The following ZC3H12B variants were observed in gnomAD, a reference collection of about 807,000 sequenced individuals.
ZC3H12B encodes the protein probable ribonuclease ZC3H12B.
A neutral mutation model predicts 43.9 loss-of-function variants in ZC3H12B; 7 were observed. The observed-to-expected ratio is 0.16, with a 90% CI of 0.09 to 0.30. The LOEUF (loss-of-function observed/expected upper bound fraction) is 0.30, where lower values mean the gene tolerates loss of function less well. Among genes scored for constraint, ZC3H12B ranks in the 10% least tolerant of loss-of-function variants. The pLI, the probability that ZC3H12B is intolerant of heterozygous loss-of-function variation, is 1.00. For synonymous variants in ZC3H12B, 222 were observed against 241.7 expected, an observed-to-expected ratio of 0.92 and a Z score of 0.76; for missense variants, 475 against 670.2, an observed-to-expected ratio of 0.71 and a Z score of 3.22.
At chrX:65,283,353 C>T in the ZC3H12B span, among the ~76,000 whole-genome samples, 477 of 111,440 alleles carry the variant, frequency 4.3e-3, 1 homozygote, top group Non-Finnish European at 7.0e-3. Flanking sequence ...TATGACAAAC[C>T]CACAGCCATT....
chrX:65,261,157 G>C, the ZC3H12B span, among the ~76,000 whole-genome samples: 2 of 111,555 alleles, frequency 1.8e-5, no homozygotes, highest in African/African-American at 6.5e-5. Context: ...GAGCATCAGA[G>C]GTGTTGTAGA....
At chrX:65,468,651 T>C (rs1459646413) in intron 3 of ZC3H12B, among the ~76,000 whole-genome samples, 1 of 60,191 alleles carries the variant, frequency 1.7e-5, no homozygotes, top group Non-Finnish European at 2.4e-5. Context: ...GCCCGGCTAA[T>C]TTTTTTTTTT....
chrX:65,098,237 C>T, the ZC3H12B span, among the ~76,000 whole-genome samples: 1 of 109,633 alleles, frequency 9.1e-6, no homozygotes, highest in Non-Finnish European at 1.9e-5. Context: ...CACACACACA[C>T]ACACACACAC....
chrX:65,108,466 G>A, the ZC3H12B span, among the ~76,000 whole-genome samples: 2 of 108,235 alleles, frequency 1.8e-5, no homozygotes, highest in African/African-American at 3.4e-5. Context: ...ACACATTAGC[G>A]TAGGCCAACG....
At chrX:65,246,161 A>C in the ZC3H12B span, among the ~76,000 whole-genome samples, 1 of 111,679 alleles carries the variant, frequency 9.0e-6, no homozygotes, top group Non-Finnish European at 1.9e-5. Flanking sequence ...TTCCATTCAT[A>C]ATTGCCACAA....
At chrX:65,139,494 G>T in the ZC3H12B span, among the ~76,000 whole-genome samples, 2 of 111,740 alleles carry the variant, frequency 1.8e-5, no homozygotes, top group African/African-American at 6.5e-5. Context: ...TAGCTATGTG[G>T]TATATTTTGA....
the ZC3H12B span, among the ~76,000 whole-genome samples, chrX:65,173,925 T>G: frequency 1.8e-5 from 2 of 111,447 alleles, no homozygotes; most frequent in African/African-American, 6.5e-5. Context: ...GGGGTTCTTA[T>G]GTGGGGGTCC....
the ZC3H12B span, among the ~76,000 whole-genome samples, chrX:65,312,458 C>T: frequency 9.2e-6 from 1 of 109,005 alleles, no homozygotes; most frequent in Non-Finnish European, 1.9e-5. Context: ...CACCTCTGTG[C>T]TGGCAGCACA....
chrX:65,058,048 G>A, the ZC3H12B span, among the ~76,000 whole-genome samples: 1 of 112,192 alleles, frequency 8.9e-6, no homozygotes, highest in Admixed American at 9.5e-5. Flanking sequence ...TTAGCTCGGA[G>A]AAGTTTGATC....
chrX:65,112,796 A>G, the ZC3H12B span, among the ~76,000 whole-genome samples: 1 of 111,766 alleles, frequency 8.9e-6, no homozygotes, highest in East Asian at 2.8e-4. Flanking sequence ...GAGATGTACA[A>G]ACAGATTAAT....
the ZC3H12B span, among the ~76,000 whole-genome samples, chrX:65,243,541 C>T: frequency 9.0e-6 from 1 of 111,617 alleles, no homozygotes; most frequent in Non-Finnish European, 1.9e-5. Flanking sequence ...TTAGTATAGC[C>T]ACTGTGGAAA....
the ZC3H12B span, among the ~76,000 whole-genome samples, chrX:65,135,706 T>G: frequency 9.2e-6 from 1 of 109,245 alleles, no homozygotes; most frequent in African/African-American, 3.3e-5. Context: ...AGATATTTTT[T>G]TTTTTTAGCC....
At chrX:65,197,107 A>T in the ZC3H12B span, among the ~76,000 whole-genome samples, 124 of 112,209 alleles carry the variant, frequency 1.1e-3, 1 homozygote, top group East Asian at 0.012. Flanking sequence ...CAGCAGCTGC[A>T]ACAAAGAGCC....
chrX:65,233,218 G>A, the ZC3H12B span, among the ~76,000 whole-genome samples: 1 of 111,468 alleles, frequency 9.0e-6, no homozygotes, highest in African/African-American at 3.3e-5. Context: ...AAGAAACATT[G>A]GACTTAATCT....
the ZC3H12B span, among the ~76,000 whole-genome samples, chrX:65,344,189 A>G: frequency 8.9e-6 from 1 of 112,334 alleles, no homozygotes; most frequent in Admixed American, 9.5e-5. Context: ...GATGATGCAA[A>G]CAAATAGGAA....
chrX:65,341,012 A>G, the ZC3H12B span, among the ~76,000 whole-genome samples: 1 of 112,401 alleles, frequency 8.9e-6, no homozygotes, highest in African/African-American at 3.2e-5. Flanking sequence ...AAAAGAATGT[A>G]ACCCACCTGA....
intron 3 of ZC3H12B, among the ~76,000 whole-genome samples, chrX:65,401,921 G>A (rs1216998983): frequency 8.9e-6 from 1 of 111,930 alleles, no homozygotes; most frequent in Non-Finnish European, 1.9e-5. Flanking sequence ...TGAACCCTGA[G>A]CTACATCAAG....
At chrX:65,177,231 C>A in the ZC3H12B span, among the ~76,000 whole-genome samples, 3 of 112,164 alleles carry the variant, frequency 2.7e-5, no homozygotes, top group African/African-American at 9.7e-5. Flanking sequence ...TTGAGCACCT[C>A]TTTATGCTAA....
the ZC3H12B span, among the ~76,000 whole-genome samples, chrX:65,098,750 T>A: frequency 9.0e-6 from 1 of 111,016 alleles, no homozygotes; most frequent in Non-Finnish European, 1.9e-5. Flanking sequence ...ACCAGGAGAT[T>A]TCCTCATGTG....
Sources: allele counts gnomAD v4.1 joint callset (sites outside exome capture counted in the v4.1 genomes callset), GRCh38; gene constraint gnomAD v4.1.1; transcripts MANE v1.5; gene names NCBI Gene and HGNC (gene_info 2026-07-23, HGNC 2026-07-21).